Variants in DDHD1 observed in about 807,000 individuals in gnomAD.
DDHD1 encodes DDHD domain containing 1, also known as phospholipase DDHD1.
In DDHD1, 49 loss-of-function variants were observed where a neutral mutation model predicts 96.4. The ratio of observed to expected loss-of-function variants is 0.51; its 90% confidence interval spans 0.40 to 0.64. The LOEUF is 0.64. Among genes scored for constraint, DDHD1 ranks in the 30% least tolerant of loss-of-function variants. The pLI is 0.00. For synonymous variants in DDHD1, 442 were observed against 446.5 expected (o/e 0.99, Z 0.13); for missense variants, 1,106 against 1,161.2 (o/e 0.95, Z 0.69).
chr14:53,048,391 G>T (rs756649873), intron 12 of DDHD1, among the ~76,000 whole-genome samples: 3 of 148,000 alleles, frequency 2.0e-5, no homozygotes, highest in Non-Finnish European at 4.4e-5. Context: ...AGGCTGGAGT[G>T]CAGTGGCACG....
intron 4 of DDHD1, among the ~76,000 whole-genome samples, chr14:53,080,858 T>C (rs904523850): frequency 6.6e-6 from 1 of 151,892 alleles, no homozygotes; most frequent in African/African-American, 2.4e-5. Context: ...CAGCCTCCCA[T>C]GTAGCTAGGA....
At chr14:53,056,585 C>T (rs578082352) in intron 9 of DDHD1, among the ~76,000 whole-genome samples, 7 of 152,194 alleles carry the variant, frequency 4.6e-5, no homozygotes, top group Admixed American at 1.3e-4. Flanking sequence ...AGAGCCACTG[C>T]GCCCAGCCTC....
intron 11 of DDHD1, 87 bp from the exon 12 acceptor site, chr14:53,052,014 A>C: frequency 1.1e-6 from 1 of 877,892 alleles, no homozygotes; most frequent in East Asian, 2.6e-5. Context: ...AAGTTAGAAC[A>C]ATACTCCCAA....
At position 53,093,397 on chromosome 14, in the gene DDHD1, C is replaced by A; in HGVS notation, c.1060G>T (p.Val354Leu). 1 of 1,613,042 alleles carries A rather than the reference C, an allele frequency of 6.2e-7. No individual in the cohort carries two copies. Among genetic ancestry groups the A allele is most frequent in the Non-Finnish European group, 8.5e-7 (1 of 1,179,648 alleles). The change falls in exon 3 of 13, where the codon GTG (valine) becomes TTG (leucine). Residue 354 changes from valine to leucine, a missense_variant. By Grantham distance (32) the Val-to-Leu change is conservative (BLOSUM62 1). Transcript: ENST00000673822. ...LSRNHVDWHS[V>L]DEVYLYSDAT... ...TCACTATAAAGATATACTTCATCCA[C>A]ACTGTGCCAGTCCACATGGTTTCGA...
At chr14:53,119,772 C>T (rs1015233118) in intron 1 of DDHD1, among the ~76,000 whole-genome samples, 4 of 152,184 alleles carry the variant, frequency 2.6e-5, no homozygotes, top group Admixed American at 1.3e-4. Context: ...GCTAAAAACT[C>T]TCAATAAACT....
At chr14:53,084,033 T>C (rs1370824679) in intron 4 of DDHD1, among the ~76,000 whole-genome samples, 1 of 152,156 alleles carries the variant, frequency 6.6e-6, no homozygotes, top group Non-Finnish European at 1.5e-5. Flanking sequence ...TGATTCTAGG[T>C]TGGGAATATG....
intron 1 of DDHD1, among the ~76,000 whole-genome samples, chr14:53,141,291 C>A (rs1057077155): frequency 6.6e-6 from 1 of 152,096 alleles, no homozygotes; most frequent in African/African-American, 2.4e-5. Context: ...TGAAATGCAT[C>A]CTTGGATTGA....
intron 1 of DDHD1, among the ~76,000 whole-genome samples, chr14:53,115,003 A>G (rs1271772510): frequency 6.6e-6 from 1 of 152,216 alleles, no homozygotes; most frequent in African/African-American, 2.4e-5. Context: ...ACTGCTAACT[A>G]GAATAACCAG....
At chr14:53,062,890 C>CAGT (rs1883710593) in intron 7 of DDHD1, 53 bp downstream of exon 7, 1 of 1,562,172 alleles carries the variant, frequency 6.4e-7, no homozygotes, top group Admixed American at 1.8e-5. Flanking sequence ...GTAAGAGGTC[C>CAGT]AGTAATTCCA....
chr14:53,037,238 G>A lies in DDHD1; in HGVS notation c.*9530C>T, dbSNP rs545632378. 1 of 152,176 alleles carries A rather than the reference G, an allele frequency of 6.6e-6. No individual in the cohort carries two copies. Among genetic ancestry groups the A allele is most frequent in the African/African-American group, 2.4e-5 (1 of 41,538 alleles). The allele number at this position is 152,176 out of a possible 1,614,324, so 9.4% of individuals were successfully genotyped here. ...GAATAGCACTGTGATGACCATATGT[G>A]TTTTTGGTAGAAGGATTTATTTCCT... On this transcript the variant is annotated 3_prime_UTR_variant, in exon 13 of 13. Transcript: ENST00000673822.
chr14:53,056,740 G>A (rs565098064), intron 9 of DDHD1, among the ~76,000 whole-genome samples: 3 of 152,206 alleles, frequency 2.0e-5, no homozygotes, highest in African/African-American at 7.2e-5. Flanking sequence ...GCCTTGCACC[G>A]TTCTGACGTA....
intron 1 of DDHD1, among the ~76,000 whole-genome samples, chr14:53,120,997 GA>G (rs748755502): frequency 6.6e-6 from 1 of 152,200 alleles, no homozygotes; most frequent in African/African-American, 2.4e-5. Context: ...TCATCAGAGT[GA>G]ACAGGCAACC....
chr14:53,060,435 C>G (rs142363781), intron 8 of DDHD1, among the ~76,000 whole-genome samples: 2 of 152,286 alleles, frequency 1.3e-5, no homozygotes, highest in African/African-American at 4.8e-5. Context: ...GCCTCCTTGT[C>G]CTGACTTCTG....
rs2139918101 is a variant in DDHD1, at chr14:53,073,809, A to G, written c.1328T>C (p.Phe443Ser). The stretch of plus-strand genomic sequence containing the variant: ...TTCAACATGTGTTGCATGGTTGGAA[A>G]AATGCCTTTCTTCTATTTTTCTTGC... Reference protein sequence around the residue: ...EAARKIEERHFSNHATHVEFL... With the variant: ...EAARKIEERHSSNHATHVEFL... Residue 443 changes from phenylalanine to serine, a missense_variant, in exon 5 of 13, where the codon TTT (phenylalanine) becomes TCT (serine). Coordinates refer to ENST00000673822, the MANE Select transcript of DDHD1 (RefSeq NM_001160148.2). The G allele has an allele frequency of 2.5e-6, 4 of 1,611,312 alleles. No homozygotes were observed. The East Asian group carries it at 8.9e-5, about 36-fold the overall frequency.
At position 53,054,635 on chromosome 14, in the gene DDHD1, T is replaced by C. The variant is rs1882885143; in HGVS notation, c.2246-6A>G. 1.2e-6 allele frequency: 2 copies of C among 1,613,012 alleles called. No individual in the cohort carries two copies. The highest frequency in any genetic ancestry group is 1.7e-6 in the Non-Finnish European group (2 of 1,179,162). ...CTTTCCAATGCTAGCAGCCCCTGTA[T>C]TTCACAAAGCAGGGTAGTCATTCTG... is the stretch of plus-strand genomic sequence containing the variant. On this transcript the variant is annotated splice_region_variant and splice_polypyrimidine_tract_variant and intron_variant, in intron 10 of 12. Transcript: ENST00000673822.
intron 1 of DDHD1, among the ~76,000 whole-genome samples, chr14:53,138,214 G>A (rs1310361038): frequency 6.6e-6 from 1 of 152,192 alleles, no homozygotes; most frequent in African/African-American, 2.4e-5. Context: ...AGATCAGCTT[G>A]GCCAACATGG....
At chr14:53,071,745 GT>G (rs768898105) in intron 6 of DDHD1, among the ~76,000 whole-genome samples, 1 of 152,138 alleles carries the variant, frequency 6.6e-6, no homozygotes, top group African/African-American at 2.4e-5. Context: ...CTGTTAGCTA[GT>G]GTTTGGCATA....
intron 6 of DDHD1, among the ~76,000 whole-genome samples, chr14:53,071,635 T>A (rs1459803124): frequency 6.6e-6 from 1 of 152,070 alleles, no homozygotes; most frequent in Non-Finnish European, 1.5e-5. Flanking sequence ...TCCTGATAAA[T>A]AAATTTTACC....
chr14:53,122,389 A>G (rs184166052), intron 1 of DDHD1, among the ~76,000 whole-genome samples: 1 of 152,292 alleles, frequency 6.6e-6, no homozygotes, highest in Admixed American at 6.5e-5. Flanking sequence ...GATTTCTAAC[A>G]GTCCCCATGG....
Sources: allele counts gnomAD v4.1 joint callset (sites outside exome capture counted in the v4.1 genomes callset), GRCh38; gene constraint gnomAD v4.1.1; transcripts MANE v1.5; gene names NCBI Gene and HGNC (gene_info 2026-07-23, HGNC 2026-07-21).